LPGAT1: variants seen among roughly 807,000 people sequenced by gnomAD.
The protein encoded by LPGAT1 is acyl-CoA:lysophosphatidylglycerol acyltransferase 1.
LPGAT1 carries 11 observed loss-of-function variants against 47.5 expected under a neutral mutation model. The ratio of observed to expected loss-of-function variants is 0.23; its 90% confidence interval spans 0.15 to 0.38. The LOEUF (loss-of-function observed/expected upper bound fraction) is 0.38. Ranked by LOEUF, LPGAT1 falls within the 10% of genes least tolerant of loss-of-function variation. LPGAT1 has a pLI of 1.00. For missense variants in LPGAT1, 293 were observed against 439.0 expected (o/e 0.67, Z 2.97); for synonymous variants, 138 against 144.2 (o/e 0.96, Z 0.31).
At chr1:211,772,014 T>C (rs952559278) in intron 6 of LPGAT1, among the ~76,000 whole-genome samples, 1 of 152,194 alleles carries the variant, frequency 6.6e-6, no homozygotes, top group African/African-American at 2.4e-5. Flanking sequence ...CAAGCGATCC[T>C]TCTGAGTAGC....
chr1:211,803,086 T>G (rs1242703235), intron 2 of LPGAT1: 1 of 151,918 alleles, frequency 6.6e-6, no homozygotes, highest in Non-Finnish European at 1.5e-5. Flanking sequence ...TCCTCACTAC[T>G]GCACTTGACC....
At chr1:211,801,870 A>G (rs981693843) in intron 2 of LPGAT1, among the ~76,000 whole-genome samples, 1 of 152,114 alleles carries the variant, frequency 6.6e-6, no homozygotes, top group African/African-American at 2.4e-5. Context: ...ACTTGAGGTC[A>G]GGAGTTCGAG....
intron 3 of LPGAT1, among the ~76,000 whole-genome samples, chr1:211,791,718 G>GTTTC (rs1553310593): frequency 7.1e-6 from 1 of 140,588 alleles, no homozygotes; most frequent in Non-Finnish European, 1.5e-5. Context: ...CTGCACTCCA[G>GTTTC]CCTGGGCAAC....
chr1:211,771,053 C>T (rs141593189), intron 6 of LPGAT1, among the ~76,000 whole-genome samples: 2 of 150,962 alleles, frequency 1.3e-5, no homozygotes, highest in Non-Finnish European at 2.9e-5. Context: ...GCTAAGATTG[C>T]GCCACTGCAC....
At chr1:211,794,793 A>C (rs1659281199) in intron 2 of LPGAT1, among the ~76,000 whole-genome samples, 3 of 152,222 alleles carry the variant, frequency 2.0e-5, no homozygotes, top group African/African-American at 7.2e-5. Context: ...AAAGCTCAGG[A>C]TGAAATAGGG....
At chr1:211,779,523 T>C (rs1658548922) in intron 5 of LPGAT1, among the ~76,000 whole-genome samples, 1 of 152,192 alleles carries the variant, frequency 6.6e-6, no homozygotes, top group African/African-American at 2.4e-5. Flanking sequence ...AAATTAAGCA[T>C]TCTTTATGTA....
At chr1:211,792,170 T>C (rs1659150764) in intron 3 of LPGAT1, 1 of 151,530 alleles carries the variant, frequency 6.6e-6, no homozygotes, top group Non-Finnish European at 1.5e-5. Context: ...ACAGGCATGA[T>C]CCCACTACTG....
intron 6 of LPGAT1, among the ~76,000 whole-genome samples, chr1:211,776,784 A>G (rs1156370062): frequency 6.6e-6 from 1 of 152,010 alleles, no homozygotes; most frequent in Non-Finnish European, 1.5e-5. Flanking sequence ...AGTTTTTCAA[A>G]TCTCCCCATA....
At chr1:211,760,154 G>A (rs969420640) in intron 6 of LPGAT1, among the ~76,000 whole-genome samples, 6 of 152,180 alleles carry the variant, frequency 3.9e-5, no homozygotes, top group African/African-American at 1.2e-4. Context: ...CATCCATGAA[G>A]TCTCTTTAAG....
rs1214050505 is a variant in LPGAT1 at position 211,830,098 on chromosome 1, G to C, written c.-28+475C>G. 1 of 984,626 alleles carries C rather than the reference G, an allele frequency of 1.0e-6. No individual in the cohort carries two copies. Among genetic ancestry groups the C allele is most frequent in the African/African-American group, 1.7e-5 (1 of 57,178 alleles). 61.0% of individuals were successfully genotyped at this position (984,626 alleles called of 1,614,324 possible). On this transcript the variant is annotated intron_variant, in intron 1 of 7. Transcript: ENST00000366997. This position sits in a 1 kb window ranked among gnomAD's most constrained non-coding sequence, Gnocchi z 5.9. ...AAGGGGCAGAGAAGAGGCGACCGCAGCGCGGGGAGCCGGTGGAGCCTGCAG... is the reference window on the plus strand; with the variant it reads ...AAGGGGCAGAGAAGAGGCGACCGCACCGCGGGGAGCCGGTGGAGCCTGCAG...
chr1:211,771,214 T>A (rs2102518226), intron 6 of LPGAT1, among the ~76,000 whole-genome samples: 1 of 152,216 alleles, frequency 6.6e-6, no homozygotes, highest in East Asian at 1.9e-4. Context: ...TACAGTGATA[T>A]GATGTACAGG....
chr1:211,807,840 T>C (rs532463609), intron 2 of LPGAT1, among the ~76,000 whole-genome samples: 1 of 152,218 alleles, frequency 6.6e-6, no homozygotes, highest in East Asian at 1.9e-4. Flanking sequence ...AAAGTACTCT[T>C]AGACATGACA....
Position 211,830,017 on chromosome 1 carries a change from TG to T in LPGAT1, c.-28+555del, listed in dbSNP as rs1660674417. On this transcript the variant is annotated intron_variant, in intron 1 of 7. Coordinates refer to ENST00000366997, the MANE Select transcript of LPGAT1 (RefSeq NM_014873.3). This position sits in a 1 kb window ranked among gnomAD's most constrained non-coding sequence, Gnocchi z 5.9. ...CAGAAAGAGGTAAAAGCCAAGGAAC[TG>T]GGGATGAAGAGAATGAGATTTCCGA... 1.0e-5 allele frequency: 10 copies of T among 985,496 alleles called. No individual in the cohort carries two copies. The South Asian group carries it at 3.3e-4, about 32-fold the overall frequency. The allele number at this position is 985,496 out of a possible 1,614,324, so 61.0% of individuals were successfully genotyped here. A position where few individuals can be genotyped will look rare whatever the true frequency, so the allele number is the denominator to read the frequency against.
chr1:211,751,720 AAT>A lies in LPGAT1; in HGVS notation c.855-655_855-654del, dbSNP rs1657194572. Among the ~76,000 whole-genome samples the A allele has an allele frequency of 2.6e-5, 4 of 152,286 alleles. No homozygotes were observed. The South Asian group carries it at 8.3e-4, about 32-fold the overall frequency. ...GACTACATATTTGCTGACCTTGAAA[AAT>A]AGTTTTATTTTTTGTTTTCTAATTT... On this transcript the variant is annotated intron_variant, in intron 6 of 7. Transcript: ENST00000366997.
intron 2 of LPGAT1, among the ~76,000 whole-genome samples, chr1:211,799,471 T>C (rs534410600): frequency 1.3e-5 from 2 of 152,178 alleles, no homozygotes; most frequent in East Asian, 1.9e-4. Flanking sequence ...CAAACTTACA[T>C]AGTTAGGAAG....
intron 6 of LPGAT1, among the ~76,000 whole-genome samples, chr1:211,759,061 C>T (rs547970294): frequency 2.0e-5 from 3 of 152,234 alleles, no homozygotes; most frequent in African/African-American, 7.2e-5. Flanking sequence ...CACTATATAA[C>T]ATTACATATT....
At chr1:211,819,509 A>C (rs553152090) in intron 2 of LPGAT1, among the ~76,000 whole-genome samples, 17 of 152,236 alleles carry the variant, frequency 1.1e-4, no homozygotes, top group South Asian at 2.1e-4. Flanking sequence ...AACAAAAAAA[A>C]CCAAAAAATT....
At chr1:211,783,064 G>A (rs920326714) in intron 5 of LPGAT1, among the ~76,000 whole-genome samples, 165 bp downstream of exon 5, 3 of 151,952 alleles carry the variant, frequency 2.0e-5, no homozygotes, top group African/African-American at 7.3e-5. Flanking sequence ...TTATAAGCAT[G>A]GACTACTTTT....
intron 6 of LPGAT1, among the ~76,000 whole-genome samples, chr1:211,758,308 T>C (rs1320142543): frequency 6.6e-6 from 1 of 152,252 alleles, no homozygotes; most frequent in Admixed American, 6.5e-5. Flanking sequence ...ACAATTTTAA[T>C]TTGCAGGTAA....
Sources: gnomAD v4.1 joint callset for allele counts (sites outside exome capture counted in the v4.1 genomes callset) on GRCh38, gnomAD v4.1.1 for gene constraint, Gnocchi (gnomAD v3.1) non-coding constraint, MANE v1.5 for transcripts, NCBI Gene and HGNC (gene_info 2026-07-23, HGNC 2026-07-21) for gene names.